INPPL1: variants seen among roughly 807,000 people sequenced by gnomAD.
INPPL1 encodes the protein phosphatidylinositol 3,4,5-trisphosphate 5-phosphatase 2.
INPPL1 carries 91 observed loss-of-function variants against 139.3 expected under a neutral mutation model. The ratio of observed to expected loss-of-function variants is 0.65; its 90% CI spans 0.55 to 0.78. INPPL1 has a LOEUF of 0.78. INPPL1 is among the 30% of genes least tolerant of loss of function. The probability of loss-of-function intolerance (pLI) is 0.00; values close to 1 mark genes in which losing one functional copy is unlikely to be tolerated. For synonymous variants in INPPL1, 719 were observed against 686.6 expected, an observed-to-expected ratio of 1.05 and a Z score of -0.74; for missense variants, 1,411 against 1,665.6, an observed-to-expected ratio of 0.85 and a Z score of 2.66.
At chr11:72,225,506 G>C (rs1007909989) in intron 1 of INPPL1, 1 of 985,404 alleles carries the variant, frequency 1.0e-6, no homozygotes. Context: ...TGCATTCCAC[G>C]TTGTGTGCAG....
At chr11:72,229,260 C>T (rs1166834534) in intron 5 of INPPL1, 30 bp downstream of exon 5, 4 of 1,583,612 alleles carry the variant, frequency 2.5e-6, no homozygotes, top group Non-Finnish European at 3.4e-6. Flanking sequence ...CCATGTATTA[C>T]ACCCTTACCT....
At chr11:72,237,950 C>A in intron 26 of INPPL1, 92 bp from the exon 27 acceptor site, 1 of 1,462,166 alleles carries the variant, frequency 6.8e-7, no homozygotes, top group East Asian at 2.4e-5. Context: ...CCAGCCCTTC[C>A]CTTCCTTTTC....
rs752722318 is a variant in INPPL1, at chr11:72,230,405, T to G, written c.1134T>G (p.Gly378=). ...IKSQRVQNKL[G]VVFEKEKDRT... The stretch of plus-strand genomic sequence containing the variant: ...CCCAGCGTGTCCAGAACAAGCTGGG[T>G]GTTGTGTTTGAGAAGGAGAAGGACC... The change falls in exon 10 of 28, where the codon GGT becomes GGG. Residue 378 remains glycine (G), a synonymous_variant. Transcript: ENST00000298229. 1.2e-6 allele frequency: 2 copies of G among 1,613,908 alleles called. No homozygotes were observed. The highest frequency in any genetic ancestry group is 8.5e-7 in the Non-Finnish European group (1 of 1,179,988).
chr11:72,232,434 C>T lies in INPPL1; in HGVS notation c.1712+98C>T. On this transcript the variant is annotated intron_variant, in intron 14 of 27. Coordinates refer to ENST00000298229, the MANE Select transcript of INPPL1 (RefSeq NM_001567.4). ...CCTAGCCCATGACCCTCCCGCAGGCCTGTCTCCAGAGACCCCCTGCTCTCT... is the reference window on the plus strand; with the variant it reads ...CCTAGCCCATGACCCTCCCGCAGGCTTGTCTCCAGAGACCCCCTGCTCTCT... The T allele has an allele frequency of 3.2e-6, 4 of 1,267,530 alleles. No individual in the cohort carries two copies. In the South Asian group the frequency reaches 5.3e-5, roughly 17 times the overall value. The allele number at this position is 1,267,530 out of a possible 1,614,324, so 78.5% of individuals were successfully genotyped here. A position where few individuals can be genotyped will look rare whatever the true frequency, so the allele number is the denominator to read the frequency against.
Position 72,237,132 on chromosome 11 carries a change from C to A in INPPL1, c.2888C>A (p.Pro963Gln), listed in dbSNP as rs1230709535. 3 of 1,584,792 alleles carry A rather than the reference C, an allele frequency of 1.9e-6. No individual in the cohort carries two copies. In the Admixed American group the frequency reaches 5.2e-5, roughly 27 times the overall value. The stretch of plus-strand genomic sequence containing the variant: ...TCTGCTTCCACACCCAGGTTGAAGC[C>A]AGAGGGAGCTCCTGAACCAGAAGGG... ...REEPLTPRLK[P>Q]EGAPEPEGVA... The change falls in exon 26 of 28, where the codon CCA (proline) becomes CAA (glutamine). Residue 963 changes from proline (P) to glutamine (Q), a missense_variant. Physicochemically the swap from Pro to Gln is moderately conservative, Grantham distance 76 (BLOSUM62 -1). This residue lies in a region of INPPL1 where 438 missense variants were observed against 425.7 expected (regional missense o/e 1.03). Coordinates refer to ENST00000298229, the MANE Select transcript of INPPL1 (RefSeq NM_001567.4).
rs891458715 is a variant in INPPL1, at chr11:72,224,845, T to TGAGTCCC, written c.-137_-131dup. The TGAGTCCC allele has an allele frequency of 8.8e-6, 4 of 456,408 alleles. No individual in the cohort carries two copies. Among genetic ancestry groups the TGAGTCCC allele is most frequent in the Non-Finnish European group, 1.2e-5 (4 of 339,206 alleles). The allele number at this position is 456,408 out of a possible 1,614,324, so 28.3% of individuals were successfully genotyped here. On this transcript the variant is annotated 5_prime_UTR_variant, in exon 1 of 28. Coordinates refer to ENST00000298229, the MANE Select transcript of INPPL1 (RefSeq NM_001567.4). ...CGAGGCGGCCTGCGCGGCGGAGTGC[T>TGAGTCCC]GAGTCCCGATCCCCGGCTCTGTCCG... is the stretch of plus-strand genomic sequence containing the variant.
Position 72,235,115 on chromosome 11 carries a change from G to A in INPPL1, c.2416-1G>A. 6.2e-7 allele frequency: 1 copy of A among 1,613,700 alleles called. No homozygotes were observed. Among genetic ancestry groups the A allele is most frequent in the Non-Finnish European group, 8.5e-7 (1 of 1,179,820 alleles). On this transcript the variant is annotated splice_acceptor_variant, in intron 21 of 27. Transcript: ENST00000298229. LOFTEE classifies it high-confidence loss of function. This position sits in a 1 kb window ranked among gnomAD's most constrained non-coding sequence, Gnocchi z 4.9. Reference sequence around the variant, plus strand: ...CCTCACTGGGCCTCCCTGCTTCCCAGCTCAAACCAATTCTGGCTGATATCG... The same window carrying A: ...CCTCACTGGGCCTCCCTGCTTCCCAACTCAAACCAATTCTGGCTGATATCG...
Position 72,235,839 on chromosome 11 carries a change from C to T in INPPL1, c.2739-7C>T. The T allele has an allele frequency of 6.2e-7, 1 of 1,612,432 alleles. No homozygotes were observed. The highest frequency in any genetic ancestry group is 1.1e-5 in the South Asian group (1 of 90,938). The stretch of plus-strand genomic sequence containing the variant: ...CACTTCATCTCTCTCCTGTGCATCC[C>T]TGGCAGGTCAGGGAGCCGCAAGCCA... On this transcript the variant is annotated splice_polypyrimidine_tract_variant and splice_region_variant and intron_variant, in intron 24 of 27. Transcript: ENST00000298229. The surrounding 1 kb of genome is among the most constrained non-coding windows in gnomAD (Gnocchi z 4.9).
rs199936814 is a variant in INPPL1, at chr11:72,234,243, C to G, written c.2213-38C>G. The G allele has an allele frequency of 2.1e-6, 3 of 1,458,566 alleles. No homozygotes were observed. Among genetic ancestry groups the G allele is most frequent in the Non-Finnish European group, 9.6e-7 (1 of 1,039,274 alleles). The allele number at this position is 1,458,566 out of a possible 1,614,324, so 90.4% of individuals were successfully genotyped here. ...TCTGTCCCATTCCTCCTGTGATCCT[C>G]TCAGTCCTCCTGTTTGTTCTCCTCC... On this transcript the variant is annotated intron_variant, in intron 19 of 27. Coordinates refer to ENST00000298229, the MANE Select transcript of INPPL1 (RefSeq NM_001567.4). This position sits in a 1 kb window ranked among gnomAD's most constrained non-coding sequence, Gnocchi z 4.2.
chr11:72,225,293 G>T, intron 1 of INPPL1, 127 bp downstream of exon 1: 2 of 1,221,734 alleles, frequency 1.6e-6, no homozygotes, highest in Non-Finnish European at 2.0e-6. Context: ...ACCCCCCAGA[G>T]TGGGAGCCTT....
rs999527294 is a variant in INPPL1, at chr11:72,235,042, C to T, written c.2416-74C>T. 35 of 1,236,102 alleles carry T rather than the reference C, an allele frequency of 2.8e-5. No individual in the cohort carries two copies. The Admixed American group carries it at 3.0e-4, about 11-fold the overall frequency. The allele number at this position is 1,236,102 out of a possible 1,614,324, so 76.6% of individuals were successfully genotyped here. A position where few individuals can be genotyped will look rare whatever the true frequency, so the allele number is the denominator to read the frequency against. On this transcript the variant is annotated intron_variant, in intron 21 of 27. Coordinates refer to ENST00000298229, the MANE Select transcript of INPPL1 (RefSeq NM_001567.4). The surrounding 1 kb of genome is among the most constrained non-coding windows in gnomAD (Gnocchi z 4.9). ...CCTGAGGGTGGGGATTGAGTGGTGT[C>T]AGGGGGCAGCGCGTAGGAGGGGCAG...
intron 26 of INPPL1, 108 bp downstream of exon 26, chr11:72,237,904 C>T: frequency 6.9e-7 from 1 of 1,446,046 alleles, no homozygotes; most frequent in Non-Finnish European, 9.2e-7. Context: ...CTACCCTGAA[C>T]TGATCACTGG....
intron 14 of INPPL1, 96 bp downstream of exon 14, chr11:72,232,432 G>A: frequency 7.8e-7 from 1 of 1,278,856 alleles, no homozygotes; most frequent in Non-Finnish European, 1.1e-6. Context: ...CCTCCCGCAG[G>A]CCTGTCTCCA....
At chr11:72,223,779 C>T (rs930361001), upstream of INPPL1, 1 of 151,186 alleles carries the variant, frequency 6.6e-6, no homozygotes, top group African/African-American at 2.4e-5. Context: ...GGGCCAGCGG[C>T]TCCGGGACCG....
chr11:72,231,507 C>G lies in INPPL1; in HGVS notation c.1507C>G (p.Gln503Glu), dbSNP rs1165989657. The stretch of plus-strand genomic sequence containing the variant: ...TGCACTCTCTACCCAGATTGCCATG[C>G]AATCACTGTGGAATATCAAGGTGGC... The part of the protein sequence containing the change: ...TDLDYRPIAM[Q>E]SLWNIKVAVL... The change falls in exon 13 of 28, where the codon CAA (glutamine) becomes GAA (glutamate). Residue 503 changes from glutamine (Q) to glutamate (E), a missense_variant. Gln to Glu is a conservative substitution (Grantham distance 29). Transcript: ENST00000298229. 1 of 1,613,096 alleles carries G rather than the reference C, an allele frequency of 6.2e-7. No homozygotes were observed. Among genetic ancestry groups the G allele is most frequent in the African/African-American group, 1.3e-5 (1 of 74,902 alleles).
rs1297128493 is a variant in INPPL1, at chr11:72,231,517, G to A, written c.1517G>A (p.Trp506Ter). 1 of 1,613,696 alleles carries A rather than the reference G, an allele frequency of 6.2e-7. No homozygotes were observed. The highest frequency in any genetic ancestry group is 2.2e-5 in the East Asian group (1 of 44,884). Reference sequence around the variant, plus strand: ...ACCCAGATTGCCATGCAATCACTGTGGAATATCAAGGTGGCAGTGCTGGTC... The same window carrying A: ...ACCCAGATTGCCATGCAATCACTGTAGAATATCAAGGTGGCAGTGCTGGTC... Reference protein sequence around the residue: ...DYRPIAMQSLWNIKVAVLVKP... With the variant: ...DYRPIAMQSL Residue 506 changes from tryptophan to a stop codon, truncating the protein, a stop_gained, in exon 13 of 28, where the codon TGG (tryptophan) becomes TAG (stop). Transcript: ENST00000298229. LOFTEE classifies it high-confidence loss of function.
chr11:72,227,221 A>G (rs1359582394), intron 1 of INPPL1, among the ~76,000 whole-genome samples: 2 of 152,078 alleles, frequency 1.3e-5, no homozygotes, highest in East Asian at 1.9e-4. Context: ...TCCACCTTTT[A>G]CTTACTCTGT....
chr11:72,236,986 A>T (rs1442545835), intron 25 of INPPL1, 138 bp from the exon 26 acceptor site: 1 of 676,238 alleles, frequency 1.5e-6, no homozygotes, highest in Admixed American at 2.8e-5. Flanking sequence ...AACTAAGGGC[A>T]GGTGATGTGC....
chr11:72,229,410 CCTTCCCTATA>C, intron 5 of INPPL1, 45 bp from the exon 6 acceptor site: 1 of 1,555,674 alleles, frequency 6.4e-7, no homozygotes, highest in South Asian at 1.1e-5. Flanking sequence ...CCCAGCGCCC[CCTTCCCTATA>C]CTTAGGTCGG....
Sources: allele counts gnomAD v4.1 joint callset (sites outside exome capture counted in the v4.1 genomes callset), GRCh38; gene constraint gnomAD v4.1.1; regional missense constraint gnomAD v4.1.1; non-coding constraint Gnocchi (gnomAD v3.1); transcripts MANE v1.5; gene names NCBI Gene and HGNC (gene_info 2026-07-23, HGNC 2026-07-21).